Variants in IQCH observed in about 807,000 individuals in gnomAD.
IQCH encodes the protein IQ motif containing H.
Under a neutral mutation model 117.0 loss-of-function variants are expected in IQCH, and 98 were observed. The ratio of observed to expected loss-of-function variants is 0.84; its 90% CI spans 0.71 to 0.99. The LOEUF (loss-of-function observed/expected upper bound fraction) is 0.99. Among genes scored for constraint, IQCH ranks in the 50% least tolerant of loss-of-function variants. The probability of loss-of-function intolerance (pLI) is 0.00; values close to 1 mark genes in which losing one functional copy is unlikely to be tolerated. For missense variants in IQCH, 1,102 were observed against 1,243.8 expected (o/e 0.89, Z 1.72); for synonymous variants, 412 against 448.2 (o/e 0.92, Z 1.02).
At chr15:67,478,757 G>C (rs1038205435) in intron 18 of IQCH, among the ~76,000 whole-genome samples, 5 of 151,616 alleles carry the variant, frequency 3.3e-5, no homozygotes, top group African/African-American at 7.3e-5. Context: ...AACCCCGTCT[G>C]TACTAAAAAT....
rs754341519 is a variant in IQCH at position 67,494,264 on chromosome 15, C to T, written c.2868C>T (p.Ile956=). 27 of 1,605,838 alleles carry T rather than the reference C, an allele frequency of 1.7e-5. No homozygotes were observed. Among genetic ancestry groups the T allele is most frequent in the Non-Finnish European group, 2.1e-5 (25 of 1,177,216 alleles). ...LKRHKLGMLT[I]GEDLQGVLMT... ...GTTTGGATATCATTAACAGAACAAT[C>T]GGCGAGGATCTCCAGGGGGTCCTCA... Residue 956 remains isoleucine (I), a synonymous_variant, in exon 20 of 21, where the codon ATC becomes ATT. Coordinates refer to ENST00000335894, the MANE Select transcript of IQCH (RefSeq NM_001031715.3). This position sits in a 1 kb window ranked among gnomAD's most constrained non-coding sequence, Gnocchi z 5.5.
intron 4 of IQCH, among the ~76,000 whole-genome samples, chr15:67,301,557 A>G (rs1967043702): frequency 6.6e-6 from 1 of 151,294 alleles, no homozygotes; most frequent in South Asian, 2.1e-4. Context: ...CCACAGGCGC[A>G]CGCTACTACA....
At chr15:67,293,500 A>G (rs1224195105) in intron 4 of IQCH, among the ~76,000 whole-genome samples, 1 of 152,190 alleles carries the variant, frequency 6.6e-6, no homozygotes, top group Non-Finnish European at 1.5e-5. Flanking sequence ...ACTTAATACC[A>G]TGTAAATGTT....
At chr15:67,302,690 C>G (rs1303812834) in intron 4 of IQCH, among the ~76,000 whole-genome samples, 1 of 152,132 alleles carries the variant, frequency 6.6e-6, no homozygotes, top group Non-Finnish European at 1.5e-5. Context: ...AACCCTGTCT[C>G]TACTAAAAAT....
chr15:67,341,985 C>T (rs895368332), intron 5 of IQCH, among the ~76,000 whole-genome samples: 2 of 151,984 alleles, frequency 1.3e-5, no homozygotes, highest in Non-Finnish European at 2.9e-5. Flanking sequence ...TGCAGAGTGG[C>T]TCACACCTGG....
intron 8 of IQCH, 67 bp from the exon 9 acceptor site, chr15:67,372,039 GTGTCT>G: frequency 8.0e-7 from 1 of 1,252,034 alleles, no homozygotes; most frequent in Admixed American, 2.2e-5. Flanking sequence ...AATGTAGTGT[GTGTCT>G]TGACCACTCA....
At chr15:67,260,855 T>C (rs1965426170) in intron 1 of IQCH, among the ~76,000 whole-genome samples, 2 of 152,108 alleles carry the variant, frequency 1.3e-5, no homozygotes, top group South Asian at 4.1e-4. Flanking sequence ...CCCAGCACTT[T>C]GGGAGGCCGA....
intron 3 of IQCH, among the ~76,000 whole-genome samples, chr15:67,268,435 CA>C (rs1331992509): frequency 6.6e-6 from 1 of 152,188 alleles, no homozygotes; most frequent in Non-Finnish European, 1.5e-5. Flanking sequence ...CTGGCTTTCA[CA>C]AATTTTATTG....
chr15:67,358,207 C>CTTTTT lies in IQCH; in HGVS notation c.714+797_714+801dup, dbSNP rs71142373. Among the ~76,000 whole-genome samples, 9 of 10,454 alleles carry CTTTTT rather than the reference C, an allele frequency of 8.6e-4. 3 individuals carry two copies. The highest frequency in any genetic ancestry group is 5.1e-3 in the East Asian group (2 of 390). The allele number at this position is 10,454 out of a possible 152,430, so 6.9% of individuals were successfully genotyped here. A position where few individuals can be genotyped will look rare whatever the true frequency, so the allele number is the denominator to read the frequency against. On this transcript the variant is annotated intron_variant, in intron 7 of 20. Transcript: ENST00000335894. ...TAACCATCATGAGGCACTTTCTTTT[C>CTTTTT]TTTTTTTTTTTTTTTGAGATGGAGT...
rs566360525 is a variant in IQCH at position 67,370,870 on chromosome 15, C to T, written c.754-1241C>T. On this transcript the variant is annotated intron_variant, in intron 8 of 20. Transcript: ENST00000335894. This position sits in a 1 kb window ranked among gnomAD's most constrained non-coding sequence, Gnocchi z 5.6. ...GATGGCAGTCTAATTAATTATTGTG[C>T]GGCCCAGGACCGGAGAAAAGAAAAC... is the stretch of plus-strand genomic sequence containing the variant. Among the ~76,000 whole-genome samples, 5 of 151,656 alleles carry T rather than the reference C, an allele frequency of 3.3e-5. No homozygotes were observed. The highest frequency in any genetic ancestry group is 6.6e-5 in the Admixed American group (1 of 15,206).
chr15:67,345,521 T>C (rs1254668159), intron 6 of IQCH, among the ~76,000 whole-genome samples: 3 of 152,186 alleles, frequency 2.0e-5, no homozygotes, highest in Non-Finnish European at 2.9e-5. Flanking sequence ...CCCCCTAATA[T>C]GACACGATGA....
At chr15:67,415,695 C>G (rs2081559161) in intron 14 of IQCH, among the ~76,000 whole-genome samples, 1 of 152,022 alleles carries the variant, frequency 6.6e-6, no homozygotes, top group African/African-American at 2.4e-5. Flanking sequence ...TCCAATCCCA[C>G]CCCCAAAGCT....
Position 67,279,529 on chromosome 15 carries a change from T to G in IQCH, c.387+17T>G. ...AGAGCAAAGGTAGGTATAGAGAAAT[T>G]CATAGAGACAGAAAGTAGTTTAGTG... On this transcript the variant is annotated intron_variant, in intron 4 of 20. Coordinates refer to ENST00000335894, the MANE Select transcript of IQCH (RefSeq NM_001031715.3). 6.9e-7 allele frequency: 1 copy of G among 1,439,714 alleles called. No individual in the cohort carries two copies. The highest frequency in any genetic ancestry group is 2.3e-5 in the East Asian group (1 of 43,618). 89.2% of individuals were successfully genotyped at this position (1,439,714 alleles called of 1,614,324 possible). A position where few individuals can be genotyped will look rare whatever the true frequency, so the allele number is the denominator to read the frequency against.
Position 67,401,448 on chromosome 15 carries a change from G to A in IQCH, c.2097+1143G>A, listed in dbSNP as rs1355588772. Among the ~76,000 whole-genome samples the A allele has an allele frequency of 6.6e-6, 1 of 152,110 alleles. No homozygotes were observed. Among genetic ancestry groups the A allele is most frequent in the Non-Finnish European group, 1.5e-5 (1 of 68,024 alleles). On this transcript the variant is annotated intron_variant, in intron 14 of 20. Transcript: ENST00000335894. This position sits in a 1 kb window ranked among gnomAD's most constrained non-coding sequence, Gnocchi z 4.7. The stretch of plus-strand genomic sequence containing the variant: ...ATCACAATGCAAATTCCCTTAACTG[G>A]TTCCTTCCCTACCAGCATACATAGC...
intron 13 of IQCH, among the ~76,000 whole-genome samples, chr15:67,396,926 G>A (rs891433361): frequency 6.6e-6 from 1 of 152,210 alleles, no homozygotes; most frequent in African/African-American, 2.4e-5. Flanking sequence ...GCTTATGAAG[G>A]AGGTTTCTCT....
rs774364780 is a variant in IQCH, at chr15:67,372,091, A to G, written c.754-20A>G. On this transcript the variant is annotated intron_variant, in intron 8 of 20. Coordinates refer to ENST00000335894, the MANE Select transcript of IQCH (RefSeq NM_001031715.3). ...TCATAATATCTTTCACTTCTAAAAT[A>G]TATTTCTTTTTTTCCACAGGCCATG... The G allele has an allele frequency of 1.9e-6, 3 of 1,571,888 alleles. No homozygotes were observed. Among genetic ancestry groups the G allele is most frequent in the Non-Finnish European group, 2.6e-6 (3 of 1,162,078 alleles).
At position 67,494,428 on chromosome 15, in the gene IQCH, T is replaced by C; in HGVS notation, c.2970+62T>C. ...CTATACAAGGGCTGAAAATACCTCA[T>C]GCTGTATTGTAAACAAGTGCTAAAC... On this transcript the variant is annotated intron_variant, in intron 20 of 20. Transcript: ENST00000335894. The surrounding 1 kb of genome is among the most constrained non-coding windows in gnomAD (Gnocchi z 5.5). The C allele has an allele frequency of 8.9e-7, 1 of 1,119,708 alleles. No individual in the cohort carries two copies. Among genetic ancestry groups the C allele is most frequent in the Non-Finnish European group, 1.3e-6 (1 of 754,194 alleles). The allele number at this position is 1,119,708 out of a possible 1,614,324, so 69.4% of individuals were successfully genotyped here.
intron 16 of IQCH, among the ~76,000 whole-genome samples, chr15:67,441,262 C>G (rs913145347): frequency 3.3e-5 from 5 of 151,848 alleles, no homozygotes; most frequent in Admixed American, 2.0e-4. Flanking sequence ...GAAACACATC[C>G]CATACTCATG....
At position 67,490,023 on chromosome 15, in the gene IQCH, T is replaced by C; in HGVS notation, c.2820T>C (p.Phe940=). The C allele has an allele frequency of 5.6e-6, 9 of 1,611,510 alleles. No homozygotes were observed. Among genetic ancestry groups the C allele is most frequent in the Non-Finnish European group, 7.6e-6 (9 of 1,177,742 alleles). ...YDVEERQGTV[F]ILYEHLKRHK... is the part of the protein sequence containing the mutation. ...TACAGGAAAGGCAAGGAACTGTTTT[T>C]ATATTATATGAGCACCTGAAGAGAC... is the stretch of plus-strand genomic sequence containing the variant. The change falls in exon 19 of 21, where the codon TTT becomes TTC. Residue 940 remains phenylalanine (F), a synonymous_variant. Coordinates refer to ENST00000335894, the MANE Select transcript of IQCH (RefSeq NM_001031715.3). The surrounding 1 kb of genome is among the most constrained non-coding windows in gnomAD (Gnocchi z 4.9).
Sources: gnomAD v4.1 joint callset for allele counts (sites outside exome capture counted in the v4.1 genomes callset) on GRCh38, gnomAD v4.1.1 for gene constraint, Gnocchi (gnomAD v3.1) non-coding constraint, MANE v1.5 for transcripts, NCBI Gene and HGNC (gene_info 2026-07-23, HGNC 2026-07-21) for gene names.